The following SEMA3D variants were observed in gnomAD, a reference collection of about 807,000 sequenced individuals.
SEMA3D encodes the protein semaphorin 3D.
In SEMA3D, 84 loss-of-function variants were observed where a neutral mutation model predicts 100.1. The ratio of observed to expected loss-of-function variants is 0.84; its 90% CI spans 0.70 to 1.01. The LOEUF is 1.01. Ranked by LOEUF, SEMA3D falls within the 50% of genes least tolerant of loss-of-function variation. The pLI, the probability that SEMA3D is intolerant of heterozygous loss-of-function variation, is 0.00. For missense variants in SEMA3D, 875 were observed against 934.1 expected (o/e 0.94, Z 0.82); for synonymous variants, 312 against 320.7 (o/e 0.97, Z 0.29).
intron 5 of SEMA3D, among the ~76,000 whole-genome samples, chr7:85,077,853 A>G (rs1380249523): frequency 6.6e-6 from 1 of 152,184 alleles, no homozygotes; most frequent in Non-Finnish European, 1.5e-5. Context: ...AGTCTACTCA[A>G]TAATCAAAGA....
At chr7:85,112,679 G>C (rs183480685) in intron 3 of SEMA3D, among the ~76,000 whole-genome samples, 2 of 152,170 alleles carry the variant, frequency 1.3e-5, no homozygotes, top group Admixed American at 6.5e-5. Context: ...TATAAAATAG[G>C]TATGAAAACA....
the SEMA3D span, among the ~76,000 whole-genome samples, chr7:85,200,276 G>A: frequency 6.6e-6 from 1 of 152,226 alleles, no homozygotes; most frequent in South Asian, 2.1e-4. Flanking sequence ...ATGTGGGAAA[G>A]TTTGGAACTT....
At position 85,055,732 on chromosome 7, in the gene SEMA3D, A is replaced by G; in HGVS notation, c.846T>C (p.Val282=). The G allele has an allele frequency of 1.3e-6, 2 of 1,487,178 alleles. No homozygotes were observed. Among genetic ancestry groups the G allele is most frequent in the South Asian group, 2.5e-5 (2 of 78,678 alleles). 92.1% of individuals were successfully genotyped at this position (1,487,178 alleles called of 1,614,324 possible). A position where few individuals can be genotyped will look rare whatever the true frequency, so the allele number is the denominator to read the frequency against. ...STSDKTILSR[V]GRVCKNDVGG... ...TATATCTTGCCTTACAAACTCTTCC[A>G]ACTCGAGAAAGGATGGTTTTATCGG... The change falls in exon 9 of 19, where the codon GTT becomes GTC. Residue 282 remains valine (V), a synonymous_variant. Coordinates refer to ENST00000284136, the MANE Select transcript of SEMA3D (RefSeq NM_001384900.1).
At chr7:85,112,388 A>G (rs1044986714) in intron 3 of SEMA3D, among the ~76,000 whole-genome samples, 2 of 152,210 alleles carry the variant, frequency 1.3e-5, no homozygotes, top group African/African-American at 4.8e-5. Context: ...CTTGTCAATG[A>G]ATATACGTTT....
chr7:85,005,357 A>G (rs910893870), intron 18 of SEMA3D, among the ~76,000 whole-genome samples: 1 of 152,024 alleles, frequency 6.6e-6, no homozygotes, highest in Non-Finnish European at 1.5e-5. Flanking sequence ...AAAAAATGGG[A>G]CCCTTAAAAT....
chr7:85,029,230 A>G, intron 12 of SEMA3D: 2 of 738,728 alleles, frequency 2.7e-6, no homozygotes, highest in Middle Eastern at 3.9e-4. Context: ...GTCACCTTTG[A>G]TATTAATGCC....
At chr7:85,122,660 G>A (rs1406699534) in intron 2 of SEMA3D, among the ~76,000 whole-genome samples, 1 of 152,122 alleles carries the variant, frequency 6.6e-6, no homozygotes, top group Non-Finnish European at 1.5e-5. Context: ...TTGTTTCTGA[G>A]TTTAGAGACA....
intron 7 of SEMA3D, among the ~76,000 whole-genome samples, chr7:85,066,324 G>A (rs1791618999): frequency 6.6e-6 from 1 of 151,754 alleles, no homozygotes; most frequent in South Asian, 2.1e-4. Flanking sequence ...GTGAGAAGGA[G>A]GAAGAAGGGA....
intron 4 of SEMA3D, among the ~76,000 whole-genome samples, chr7:85,091,815 A>G (rs544997735): frequency 1.7e-4 from 26 of 152,222 alleles, no homozygotes; most frequent in Non-Finnish European, 3.5e-4. Flanking sequence ...ATAAATGTCT[A>G]TTCACAGTTG....
intron 2 of SEMA3D, among the ~76,000 whole-genome samples, chr7:85,122,372 G>A (rs1326458640): frequency 6.6e-6 from 1 of 152,086 alleles, no homozygotes; most frequent in Non-Finnish European, 1.5e-5. Flanking sequence ...ATCAGAACTG[G>A]GGAATAAAAT....
chr7:85,164,758 A>AG, intron 1 of SEMA3D, among the ~76,000 whole-genome samples: 1 of 152,278 alleles, frequency 6.6e-6, no homozygotes, highest in South Asian at 2.1e-4. Flanking sequence ...TGTTGACAGT[A>AG]GGAAATTTCA....
intron 2 of SEMA3D, among the ~76,000 whole-genome samples, chr7:85,134,501 T>C (rs1789804568): frequency 6.6e-6 from 1 of 152,036 alleles, no homozygotes; most frequent in African/African-American, 2.4e-5. Flanking sequence ...GTTTAAAATA[T>C]ATTTCCAAGT....
chr7:85,097,197 A>C (rs1051375624), intron 4 of SEMA3D, among the ~76,000 whole-genome samples: 77 of 151,950 alleles, frequency 5.1e-4, no homozygotes, highest in African/African-American at 1.8e-3. Context: ...ACATAGTAGT[A>C]ATTGCCTTAA....
intron 3 of SEMA3D, among the ~76,000 whole-genome samples, chr7:85,111,686 C>A (rs1789099800): frequency 6.6e-6 from 1 of 152,070 alleles, no homozygotes; most frequent in South Asian, 2.1e-4. Context: ...AGAGTCAGAT[C>A]ATGTCAGACT....
chr7:85,001,458 T>C (rs766201862), intron 18 of SEMA3D, among the ~76,000 whole-genome samples: 28 of 152,210 alleles, frequency 1.8e-4, no homozygotes, highest in Non-Finnish European at 2.9e-4. Flanking sequence ...TAAATGTGAA[T>C]TTGAATTGGG....
intron 14 of SEMA3D, among the ~76,000 whole-genome samples, chr7:85,019,183 A>G (rs1048024258): frequency 2.0e-5 from 3 of 151,792 alleles, no homozygotes; most frequent in Admixed American, 1.3e-4. Context: ...AGAAAACAAA[A>G]GCTGGTCATT....
intron 3 of SEMA3D, among the ~76,000 whole-genome samples, chr7:85,113,311 T>A (rs184318404): frequency 6.6e-6 from 1 of 152,142 alleles, no homozygotes; most frequent in Non-Finnish European, 1.5e-5. Context: ...GTCATAAATA[T>A]GCGAGAATTC....
chr7:85,236,095 T>TGTG, the SEMA3D span, among the ~76,000 whole-genome samples: 1 of 151,962 alleles, frequency 6.6e-6, no homozygotes, highest in African/African-American at 2.4e-5. Context: ...TATAAGGCAA[T>TGTG]TACACATTGA....
the SEMA3D span, among the ~76,000 whole-genome samples, chr7:85,193,563 C>T: frequency 6.6e-6 from 1 of 152,056 alleles, no homozygotes. Context: ...GGGATATACT[C>T]AAAGCCAGCC....
Sources: allele counts gnomAD v4.1 joint callset (sites outside exome capture counted in the v4.1 genomes callset), GRCh38; gene constraint gnomAD v4.1.1; transcripts MANE v1.5; gene names NCBI Gene and HGNC (gene_info 2026-07-23, HGNC 2026-07-21).